The following ITIH2 variants were observed in gnomAD, a reference collection of about 807,000 sequenced individuals.
ITIH2 encodes inter-alpha-trypsin inhibitor heavy chain H2.
Under a neutral mutation model 104.4 loss-of-function variants are expected in ITIH2, and 103 were observed. The observed-to-expected ratio is 0.99, with a 90% CI of 0.84 to 1.16. ITIH2 has a LOEUF of 1.16. Among genes scored for constraint, ITIH2 ranks in the 50% most tolerant of loss-of-function variants. The probability of loss-of-function intolerance (pLI) is 0.00; values close to 1 mark genes in which losing one functional copy is unlikely to be tolerated. For missense variants in ITIH2, 1,108 were observed against 1,162.4 expected (o/e 0.95, Z 0.68); for synonymous variants, 436 against 435.4 (o/e 1.00, Z -0.02).
rs770467434 is a variant in ITIH2 at position 7,745,000 on chromosome 10, C to T, written c.2581+37C>T. On this transcript the variant is annotated intron_variant, in intron 19 of 20. Coordinates refer to ENST00000358415, the MANE Select transcript of ITIH2 (RefSeq NM_002216.3). Reference sequence around the variant, plus strand: ...ATTGACCATCTGACAAGGGTGGGGCCGCTCTAATTCTTTAGCAGCTTTGGT... The same window carrying T: ...ATTGACCATCTGACAAGGGTGGGGCTGCTCTAATTCTTTAGCAGCTTTGGT... 1.8e-5 allele frequency: 29 copies of T among 1,572,584 alleles called. No individual in the cohort carries two copies. In the Admixed American group the frequency reaches 2.4e-4, roughly 13 times the overall value.
chr10:7,720,718 C>G, intron 6 of ITIH2, 138 bp from the exon 7 acceptor site: 1 of 585,750 alleles, frequency 1.7e-6, no homozygotes, highest in Non-Finnish European at 3.1e-6. Context: ...GCAGATCCTG[C>G]AGGAGAGATC....
intron 11 of ITIH2, among the ~76,000 whole-genome samples, chr10:7,728,647 C>T (rs896529667): frequency 2.0e-5 from 3 of 152,036 alleles, no homozygotes; most frequent in Non-Finnish European, 2.9e-5. Context: ...CCTCCCACCT[C>T]GGACTCCCAA....
At chr10:7,720,519 A>G (rs989511801) in intron 6 of ITIH2, among the ~76,000 whole-genome samples, 1 of 152,218 alleles carries the variant, frequency 6.6e-6, no homozygotes, top group Non-Finnish European at 1.5e-5. Flanking sequence ...GTGCTATTTA[A>G]CAATGAGGGA....
In ITIH2 at chr10:7,723,955, CAT is replaced by C. The variant is rs113525098; in HGVS notation, c.984+389_984+390del. Among the ~76,000 whole-genome samples the C allele has an allele frequency of 2.0e-3, 304 of 152,288 alleles. 2 individuals are homozygous for C. The highest frequency in any genetic ancestry group is 7.0e-3 in the African/African-American group (292 of 41,560). On this transcript the variant is annotated intron_variant, in intron 9 of 20. Transcript: ENST00000358415. ...CAGTCACATTCTTTTTGCTCTTCCA[CAT>C]GTTTTATTATAATATCTTGTCATTG... is the stretch of plus-strand genomic sequence containing the variant.
chr10:7,749,302 C>A lies in ITIH2; in HGVS notation c.2809C>A (p.Pro937Thr). ...IDGHYKDYFV[P>T]QLYSFLKRP ...CGGGCATTACAAGGATTACTTCGTG[C>A]CTCAGCTCTACAGCTTTCTCAAACG... Residue 937 changes from proline (P) to threonine (T), a missense_variant, in exon 21 of 21, where the codon CCT (proline) becomes ACT (threonine). Physicochemically the swap from Pro to Thr is conservative, Grantham distance 38. Coordinates refer to ENST00000358415, the MANE Select transcript of ITIH2 (RefSeq NM_002216.3). The A allele has an allele frequency of 2.5e-6, 4 of 1,614,122 alleles. No homozygotes were observed. Among genetic ancestry groups the A allele is most frequent in the Non-Finnish European group, 3.4e-6 (4 of 1,179,980 alleles).
At chr10:7,726,799 C>A (rs1306301758) in intron 9 of ITIH2, 151 bp from the exon 10 acceptor site, 1 of 577,096 alleles carries the variant, frequency 1.7e-6, no homozygotes, top group Non-Finnish European at 3.0e-6. Flanking sequence ...GGCAGGTCTG[C>A]ATTGACTGAG....
At chr10:7,732,069 T>G in intron 13 of ITIH2, 73 bp downstream of exon 13, 6 of 1,214,520 alleles carry the variant, frequency 4.9e-6, no homozygotes, top group Admixed American at 1.9e-5. Flanking sequence ...ATGTCAGCTC[T>G]GCCTGCCTGG....
In ITIH2 at chr10:7,744,870, C is replaced by T. The variant is rs751348043; in HGVS notation, c.2488C>T (p.Arg830Cys). Residue 830 changes from arginine (R) to cysteine (C), a missense_variant, in exon 19 of 21, where the codon CGT (arginine) becomes TGT (cysteine). Transcript: ENST00000358415. ...GATGTCCTTTTCTGTTTTACTTCAT[C>T]GTGTTTGGAAGAAGCATCCCGTCAA... is the stretch of plus-strand genomic sequence containing the variant. ...KEMSFSVLLHRVWKKHPVNVD... is the reference protein window; with the variant it reads ...KEMSFSVLLHCVWKKHPVNVD... 9 of 1,613,912 alleles carry T rather than the reference C, an allele frequency of 5.6e-6. No individual in the cohort carries two copies. Among genetic ancestry groups the T allele is most frequent in the South Asian group, 5.5e-5 (5 of 91,086 alleles).
intron 6 of ITIH2, among the ~76,000 whole-genome samples, chr10:7,720,419 C>A (rs2130946793): frequency 6.6e-6 from 1 of 152,240 alleles, no homozygotes; most frequent in South Asian, 2.1e-4. Context: ...TAGATGAGGT[C>A]TGTTCAAAGC....
At chr10:7,747,193 G>A (rs1835186234) in intron 20 of ITIH2, among the ~76,000 whole-genome samples, 2 of 152,164 alleles carry the variant, frequency 1.3e-5, no homozygotes, top group Non-Finnish European at 2.9e-5. Flanking sequence ...CGCATTCTGA[G>A]TGTAAAAGTC....
At chr10:7,726,555 C>T (rs150469827) in intron 9 of ITIH2, among the ~76,000 whole-genome samples, 6 of 151,992 alleles carry the variant, frequency 3.9e-5, no homozygotes, top group African/African-American at 1.2e-4. Context: ...AATCATCACA[C>T]GTAAGCTAGA....
At chr10:7,712,858 C>T (rs1183669638) in intron 4 of ITIH2, among the ~76,000 whole-genome samples, 1 of 152,206 alleles carries the variant, frequency 6.6e-6, no homozygotes, top group African/African-American at 2.4e-5. Flanking sequence ...CGGTGGCTCA[C>T]ACCTGTAATC....
At chr10:7,708,334 G>T (rs1834766000) in intron 3 of ITIH2, among the ~76,000 whole-genome samples, 1 of 152,196 alleles carries the variant, frequency 6.6e-6, no homozygotes, top group Non-Finnish European at 1.5e-5. Context: ...TTACATATGT[G>T]ATTCTTCACA....
At chr10:7,705,927 C>A (rs997167360) in intron 2 of ITIH2, among the ~76,000 whole-genome samples, 2 of 152,032 alleles carry the variant, frequency 1.3e-5, no homozygotes, top group South Asian at 4.1e-4. Context: ...TCCTGGCGGC[C>A]ACCAGCAGCA....
At chr10:7,729,013 T>C (rs1039717723) in intron 11 of ITIH2, among the ~76,000 whole-genome samples, 2 of 152,196 alleles carry the variant, frequency 1.3e-5, no homozygotes, top group African/African-American at 4.8e-5. Flanking sequence ...AAAGGAAATA[T>C]AGTTTAAAAT....
chr10:7,736,847 T>C (rs943834353), intron 15 of ITIH2, among the ~76,000 whole-genome samples: 5 of 152,208 alleles, frequency 3.3e-5, no homozygotes, highest in African/African-American at 7.2e-5. Context: ...TATTGGTTGG[T>C]ATAGACAAGT....
intron 16 of ITIH2, 150 bp from the exon 17 acceptor site, chr10:7,742,996 G>T (rs1270378015): frequency 2.8e-5 from 16 of 572,524 alleles, no homozygotes; most frequent in Non-Finnish European, 3.4e-5. Context: ...GAACCACTGG[G>T]TCCCCAAGAC....
intron 4 of ITIH2, among the ~76,000 whole-genome samples, chr10:7,711,934 C>T (rs1443952102): frequency 6.6e-6 from 1 of 152,130 alleles, no homozygotes; most frequent in East Asian, 1.9e-4. Flanking sequence ...CCAACCATTA[C>T]TTGGTAAGGA....
chr10:7,727,860 C>T (rs762562641), intron 11 of ITIH2, 32 bp downstream of exon 11: 8 of 1,612,282 alleles, frequency 5.0e-6, no homozygotes, highest in Non-Finnish European at 6.8e-6. Context: ...TCACGACAAA[C>T]ACTTTCACTG....
Sources: gnomAD v4.1 joint callset for allele counts (sites outside exome capture counted in the v4.1 genomes callset) on GRCh38, gnomAD v4.1.1 for gene constraint, MANE v1.5 for transcripts, NCBI Gene and HGNC (gene_info 2026-07-23, HGNC 2026-07-21) for gene names.